Variants in MMD2 observed in about 807,000 individuals in gnomAD.
The protein encoded by MMD2 is monocyte to macrophage differentiation factor 2.
A neutral mutation model predicts 33.5 loss-of-function variants in MMD2; 30 were observed. The ratio of observed to expected loss-of-function variants is 0.90; its 90% CI spans 0.67 to 1.22. The LOEUF (loss-of-function observed/expected upper bound fraction) is 1.22. MMD2 is among the 50% of genes most tolerant of loss of function. The pLI is 0.00. For missense variants in MMD2, 364 were observed against 325.4 expected (o/e 1.12, Z -0.91); for synonymous variants, 129 against 123.0 (o/e 1.05, Z -0.32).
At chr7:4,924,462 C>A (rs998154396) in intron 2 of MMD2, among the ~76,000 whole-genome samples, 14 of 152,228 alleles carry the variant, frequency 9.2e-5, no homozygotes, top group African/African-American at 2.7e-4. Context: ...ATCAAAGAAT[C>A]CAGCAGGGGT....
chr7:4,924,450 A>G (rs922081188), intron 2 of MMD2, among the ~76,000 whole-genome samples: 3 of 152,252 alleles, frequency 2.0e-5, no homozygotes, highest in Non-Finnish European at 4.4e-5. Flanking sequence ...ATGTCCTGAG[A>G]TATCAAAGAA....
At chr7:4,938,313 A>G (rs940007840) in intron 1 of MMD2, among the ~76,000 whole-genome samples, 5 of 151,930 alleles carry the variant, frequency 3.3e-5, no homozygotes, top group Non-Finnish European at 5.9e-5. Context: ...CCGGCCCAAC[A>G]ATTTAATTTC....
intron 1 of MMD2, among the ~76,000 whole-genome samples, chr7:4,926,287 G>C (rs73321911): frequency 0.011 from 1,741 of 151,918 alleles, 36 homozygotes; most frequent in African/African-American, 0.04. Flanking sequence ...TTTTTATAGA[G>C]ACAGGGTTTA....
intron 1 of MMD2, among the ~76,000 whole-genome samples, chr7:4,936,882 T>TTACC (rs1785755833): frequency 6.6e-6 from 1 of 151,714 alleles, no homozygotes; most frequent in African/African-American, 2.4e-5. Flanking sequence ...TGACAGGTGT[T>TTACC]TGCCACTACA....
At chr7:4,896,646 C>T in the MMD2 span, among the ~76,000 whole-genome samples, 2 of 152,042 alleles carry the variant, frequency 1.3e-5, no homozygotes, top group African/African-American at 2.4e-5. Flanking sequence ...ATTCCTGGCC[C>T]GTGAAAACCA....
intron 4 of MMD2, among the ~76,000 whole-genome samples, chr7:4,915,773 A>C (rs2115096609): frequency 9.2e-6 from 1 of 108,174 alleles, no homozygotes; most frequent in South Asian, 3.9e-4. Flanking sequence ...CAATGTATAT[A>C]TTTGCTTTTT....
At chr7:4,908,988 A>G (rs1367966330) in intron 6 of MMD2, among the ~76,000 whole-genome samples, 1 of 152,088 alleles carries the variant, frequency 6.6e-6, no homozygotes, top group Admixed American at 6.6e-5. Flanking sequence ...TGGACGCACG[A>G]CAATGTGAGT....
In MMD2 at chr7:4,957,840, C is replaced by T. The variant is rs974987875; in HGVS notation, c.47+1131G>A. ...GAGACTGAGGGGGAAGGAAGGGTTC[C>T]GTCCTGTCCGCCAGCCTTCCCTACC... On this transcript the variant is annotated intron_variant, in intron 1 of 6. Coordinates refer to ENST00000401401, the MANE Select transcript of MMD2 (RefSeq NM_198403.4). 3.9e-5 allele frequency among the ~76,000 whole-genome samples: 6 copies of T among 152,098 alleles called. No individual in the cohort carries two copies. In the South Asian group the frequency reaches 6.2e-4, roughly 16 times the overall value.
At chr7:4,912,785 A>G (rs530715456) in intron 4 of MMD2, among the ~76,000 whole-genome samples, 32 of 151,940 alleles carry the variant, frequency 2.1e-4, no homozygotes, top group Admixed American at 1.5e-3. Flanking sequence ...AGCTCACTGC[A>G]CCCTTCGCCT....
At chr7:4,938,367 T>C (rs2115135392) in intron 1 of MMD2, among the ~76,000 whole-genome samples, 2 of 152,192 alleles carry the variant, frequency 1.3e-5, no homozygotes, top group South Asian at 4.1e-4. Context: ...AGGGACTGTG[T>C]CTGGTGGGGG....
intron 1 of MMD2, among the ~76,000 whole-genome samples, chr7:4,936,796 G>T (rs796524439): frequency 2.6e-5 from 4 of 152,014 alleles, no homozygotes; most frequent in African/African-American, 9.6e-5. Flanking sequence ...GTGCAATGGC[G>T]CGATCTCAGC....
intron 4 of MMD2, among the ~76,000 whole-genome samples, chr7:4,913,721 C>CAA (rs35733360): frequency 9.8e-4 from 53 of 53,968 alleles, no homozygotes; most frequent in Middle Eastern, 0.025. Flanking sequence ...TCTATCTCGG[C>CAA]AAAAAAAAAA....
At chr7:4,908,537 A>G (rs1784922305) in intron 6 of MMD2, among the ~76,000 whole-genome samples, 1 of 152,206 alleles carries the variant, frequency 6.6e-6, no homozygotes, top group Non-Finnish European at 1.5e-5. Context: ...CCATGTTCAT[A>G]GCAGTATAAT....
At position 4,921,349 on chromosome 7, in the gene MMD2, G is replaced by C. The variant is rs191380199; in HGVS notation, c.130-1018C>G. Among the ~76,000 whole-genome samples the C allele has an allele frequency of 9.0e-4, 137 of 152,086 alleles. 1 individual carries two copies. Among genetic ancestry groups the C allele is most frequent in the Middle Eastern group, 3.4e-3 (1 of 294 alleles). On this transcript the variant is annotated intron_variant, in intron 2 of 6. Transcript: ENST00000401401. ...TAAATAGTGGATGGCGGCCAGGTGCGGTGGCTCACACCTGTAATCCCAGCA... is the reference window on the plus strand; with the variant it reads ...TAAATAGTGGATGGCGGCCAGGTGCCGTGGCTCACACCTGTAATCCCAGCA...
chr7:4,925,465 A>G lies in MMD2; in HGVS notation c.115T>C (p.Cys39Arg). The stretch of plus-strand genomic sequence containing the variant: ...AGCCAACTCACAGCATGGGTGGCAC[A>G]GTTGGCCGCATGTTCATACTCTGTG... ...QPTEYEHAAN[C>R]ATHAFWIIPS... The change falls in exon 2 of 7, where the codon TGT (cysteine) becomes CGT (arginine). Residue 39 changes from cysteine to arginine, a missense_variant. By Grantham distance (180) the Cys-to-Arg change is radical (BLOSUM62 -3). Coordinates refer to ENST00000401401, the MANE Select transcript of MMD2 (RefSeq NM_198403.4). 6.4e-7 allele frequency: 1 copy of G among 1,560,180 alleles called. No individual in the cohort carries two copies.
At position 4,920,264 on chromosome 7, in the gene MMD2, G is replaced by A. The variant is rs1414800566; in HGVS notation, c.197C>T (p.Thr66Ile). The A allele has an allele frequency of 1.2e-6, 2 of 1,604,892 alleles. No homozygotes were observed. Among genetic ancestry groups the A allele is most frequent in the African/African-American group, 2.7e-5 (2 of 74,822 alleles). Residue 66 changes from threonine (T) to isoleucine (I), a missense_variant, in exon 3 of 7, where the codon ACC becomes ATC. Coordinates refer to ENST00000401401, the MANE Select transcript of MMD2 (RefSeq NM_198403.4). ...LYFLSDDDWE[T>I]ISAWIYGLGL... ...GAGGCCGTAGATCCAGGCAGAGATG[G>A]TCTCCCAGTCATCGTCCGACAGGAA... is the stretch of plus-strand genomic sequence containing the variant.
Position 4,937,880 on chromosome 7 carries a change from C to T in MMD2, c.48-12348G>A, listed in dbSNP as rs145174327. ...CCCAGGCTGGTCTCAAACTCCTGGC[C>T]TCAAGCAGTCCTCCTCCTTTGGCCT... On this transcript the variant is annotated intron_variant, in intron 1 of 6. Transcript: ENST00000401401. Among the ~76,000 whole-genome samples the T allele has an allele frequency of 4.7e-3, 711 of 151,946 alleles. 8 individuals are homozygous for T. Among genetic ancestry groups the T allele is most frequent in the African/African-American group, 0.016 (670 of 41,442 alleles).
rs1784881507 is a variant in MMD2, at chr7:4,907,048, A to T, written c.*348T>A. 6.8e-6 allele frequency: 2 copies of T among 295,412 alleles called. No individual in the cohort carries two copies. 18.3% of individuals were successfully genotyped at this position (295,412 alleles called of 1,614,324 possible). A position where few individuals can be genotyped will look rare whatever the true frequency, so the allele number is the denominator to read the frequency against. On this transcript the variant is annotated 3_prime_UTR_variant, in exon 7 of 7. Coordinates refer to ENST00000401401, the MANE Select transcript of MMD2 (RefSeq NM_198403.4). ...TAAACAACCCACAGGACTCTTTGCC[A>T]GATTCTTCAGGACCTTAGGAAACAC...
intron 4 of MMD2, among the ~76,000 whole-genome samples, chr7:4,914,757 C>G (rs1785099027): frequency 6.6e-6 from 1 of 152,094 alleles, no homozygotes. Context: ...ATGGTGAAAC[C>G]CCATCTCTAC....
Sources: allele counts gnomAD v4.1 joint callset (sites outside exome capture counted in the v4.1 genomes callset), GRCh38; gene constraint gnomAD v4.1.1; transcripts MANE v1.5; gene names NCBI Gene and HGNC (gene_info 2026-07-23, HGNC 2026-07-21).